PDE11A: variants seen among roughly 807,000 people sequenced by gnomAD.
The protein encoded by PDE11A is phosphodiesterase 11A.
In PDE11A, 100 loss-of-function variants were observed where a neutral mutation model predicts 100.5. The ratio of observed to expected loss-of-function variants is 1.00; its 90% confidence interval spans 0.85 to 1.18. The LOEUF (loss-of-function observed/expected upper bound fraction) is 1.18. Among genes scored for constraint, PDE11A ranks in the 50% most tolerant of loss-of-function variants. The probability of loss-of-function intolerance (pLI) is 0.00; values close to 1 mark genes in which losing one functional copy is unlikely to be tolerated. For synonymous variants in PDE11A, 381 were observed against 420.8 expected (o/e 0.91, Z 1.16); for missense variants, 1,141 against 1,152.6 (o/e 0.99, Z 0.15).
At chr2:178,066,730 C>T (rs2087050119) in intron 1 of PDE11A, among the ~76,000 whole-genome samples, 1 of 152,198 alleles carries the variant, frequency 6.6e-6, no homozygotes, top group African/African-American at 2.4e-5. Context: ...ATGTGGCCCT[C>T]CTCACCCAGA....
At chr2:177,693,032 T>G (rs1376163449) in intron 15 of PDE11A, among the ~76,000 whole-genome samples, 1 of 152,176 alleles carries the variant, frequency 6.6e-6, no homozygotes, top group Non-Finnish European at 1.5e-5. Flanking sequence ...GTGAGCTTCC[T>G]TTTTGGTTTC....
chr2:177,630,811 T>C (rs1356048854), intron 19 of PDE11A, among the ~76,000 whole-genome samples: 1 of 152,140 alleles, frequency 6.6e-6, no homozygotes, highest in African/African-American at 2.4e-5. Context: ...AAGCCACCCA[T>C]GTAAAACATA....
At chr2:177,965,696 T>C (rs2085690027) in intron 2 of PDE11A, among the ~76,000 whole-genome samples, 1 of 152,212 alleles carries the variant, frequency 6.6e-6, no homozygotes, top group Non-Finnish European at 1.5e-5. Context: ...TTCTGGGTTC[T>C]CTAACCTGTT....
intron 2 of PDE11A, among the ~76,000 whole-genome samples, chr2:177,968,142 C>T (rs985246169): frequency 5.3e-5 from 8 of 152,108 alleles, no homozygotes; most frequent in African/African-American, 1.9e-4. Context: ...TCCCCTAGAC[C>T]TTGGTAACAA....
chr2:177,752,500 C>G (rs1477161483), intron 10 of PDE11A, among the ~76,000 whole-genome samples: 11 of 152,106 alleles, frequency 7.2e-5, no homozygotes, highest in Admixed American at 7.2e-4. Context: ...TGTGAATAAA[C>G]AAGATTATAA....
intron 9 of PDE11A, among the ~76,000 whole-genome samples, chr2:177,783,151 T>G (rs2082477414): frequency 6.6e-6 from 1 of 152,214 alleles, no homozygotes; most frequent in Non-Finnish European, 1.5e-5. Flanking sequence ...TTCTCTTCAT[T>G]TCTCATACAG....
intron 1 of PDE11A, among the ~76,000 whole-genome samples, chr2:178,020,568 G>T (rs1253474086): frequency 1.3e-5 from 2 of 152,146 alleles, no homozygotes; most frequent in African/African-American, 4.8e-5. Context: ...AAGGTGGGTG[G>T]ATCACTTAAG....
intron 18 of PDE11A, among the ~76,000 whole-genome samples, chr2:177,665,049 CT>C (rs920069068): frequency 6.6e-6 from 1 of 152,070 alleles, no homozygotes; most frequent in African/African-American, 2.4e-5. Context: ...TTCCACCAGG[CT>C]TTTCTCATCC....
intron 5 of PDE11A, among the ~76,000 whole-genome samples, chr2:177,853,696 G>T (rs2083768081): frequency 2.8e-5 from 1 of 36,358 alleles, no homozygotes; most frequent in Non-Finnish European, 5.8e-5. Context: ...GTGTGTGTGT[G>T]TGTGTGTGTG....
intron 14 of PDE11A, among the ~76,000 whole-genome samples, chr2:177,697,879 G>A: frequency 6.6e-6 from 1 of 152,210 alleles, no homozygotes; most frequent in East Asian, 1.9e-4. Flanking sequence ...ATGACTTTAA[G>A]AAGAATAAAA....
chr2:177,895,254 TA>T (rs1369514517), intron 4 of PDE11A, among the ~76,000 whole-genome samples: 9 of 152,092 alleles, frequency 5.9e-5, no homozygotes, highest in Non-Finnish European at 1.3e-4. Context: ...ATTATCCATT[TA>T]AAAAATGCTA....
At chr2:178,073,235 G>C (rs936122790), upstream of PDE11A, among the ~76,000 whole-genome samples, 1 of 152,114 alleles carries the variant, frequency 6.6e-6, no homozygotes, top group Admixed American at 6.5e-5. Flanking sequence ...GTGGATTGTT[G>C]GTTCCCAGGA....
chr2:177,637,979 GTATA>G lies in PDE11A; in HGVS notation c.2647-8421_2647-8418del, dbSNP rs1191837108. On this transcript the variant is annotated intron_variant, in intron 19 of 19. Coordinates refer to ENST00000286063, the MANE Select transcript of PDE11A (RefSeq NM_016953.4). ...CATATATACGTATATATATACACGT[GTATA>G]TATATATATATATATTTTTTTTTTT... Among the ~76,000 whole-genome samples the G allele has an allele frequency of 6.3e-4, 32 of 50,936 alleles. 1 individual carries two copies. The highest frequency in any genetic ancestry group is 1.7e-3 in the African/African-American group (29 of 16,602). The allele number at this position is 50,936 out of a possible 152,430, so 33.4% of individuals were successfully genotyped here.
rs537347465 is a variant in PDE11A, at chr2:178,044,539, C to A, written c.912+26987G>T. 4.6e-5 allele frequency among the ~76,000 whole-genome samples: 7 copies of A among 151,556 alleles called. No homozygotes were observed. The South Asian group carries it at 1.5e-3, about 32-fold the overall frequency. Reference sequence around the variant, plus strand: ...ATAAAACTCTTGTTTCTGATATAAACCTCTCATGATCATGGTCACATAAGA... The same window carrying A: ...ATAAAACTCTTGTTTCTGATATAAAACTCTCATGATCATGGTCACATAAGA... On this transcript the variant is annotated intron_variant, in intron 1 of 19. Coordinates refer to ENST00000286063, the MANE Select transcript of PDE11A (RefSeq NM_016953.4).
intron 6 of PDE11A, among the ~76,000 whole-genome samples, chr2:177,826,276 G>C (rs902792282): frequency 6.6e-6 from 1 of 152,126 alleles, no homozygotes; most frequent in African/African-American, 2.4e-5. Context: ...ACATGTACTT[G>C]TTATATTTTC....
At chr2:177,939,529 GAGGAAGGA>G (rs72249265) in intron 2 of PDE11A, among the ~76,000 whole-genome samples, 19,688 of 100,530 alleles carry the variant, frequency 0.2, 1,872 homozygotes, top group African/African-American at 0.22. Context: ...GGGAGGGAGG[GAGGAAGGA>G]AGGAAGGAAG....
At chr2:177,957,057 T>TA (rs759250368) in intron 2 of PDE11A, among the ~76,000 whole-genome samples, 1 of 143,488 alleles carries the variant, frequency 7.0e-6, no homozygotes, top group Non-Finnish European at 1.5e-5. Flanking sequence ...ATAATAATAA[T>TA]AAAATAAAAA....
intron 2 of PDE11A, among the ~76,000 whole-genome samples, chr2:177,952,463 G>A (rs75393607): frequency 0.011 from 1,695 of 152,284 alleles, 31 homozygotes; most frequent in African/African-American, 0.039. Flanking sequence ...GCAACACAAG[G>A]ACAGAAAACA....
intron 9 of PDE11A, among the ~76,000 whole-genome samples, chr2:177,781,453 C>T (rs2082452349): frequency 6.6e-6 from 1 of 151,992 alleles, no homozygotes; most frequent in African/African-American, 2.4e-5. Flanking sequence ...AGTTTGCGGT[C>T]AATTTGAGAC....
Sources: gnomAD v4.1 joint callset for allele counts (sites outside exome capture counted in the v4.1 genomes callset) on GRCh38, gnomAD v4.1.1 for gene constraint, MANE v1.5 for transcripts, NCBI Gene and HGNC (gene_info 2026-07-23, HGNC 2026-07-21) for gene names.